Variants in HMCN1 observed in about 807,000 individuals in gnomAD.
The protein encoded by HMCN1 is hemicentin 1, also known as hemicentin-1.
Under a neutral mutation model 625.9 loss-of-function variants are expected in HMCN1, and 321 were observed. The ratio of observed to expected loss-of-function variants is 0.51; its 90% CI spans 0.47 to 0.56. The LOEUF (loss-of-function observed/expected upper bound fraction) is 0.56, where lower values mean the gene tolerates loss of function less well. HMCN1 is among the 20% of genes least tolerant of loss of function. The probability of loss-of-function intolerance (pLI) is 0.00; values close to 1 mark genes in which losing one functional copy is unlikely to be tolerated. For synonymous variants in HMCN1, 2,425 were observed against 2,417.6 expected (o/e 1.00, Z -0.09); for missense variants, 6,588 against 6,887.3 (o/e 0.96, Z 1.54).
chr1:185,827,625 A>G (rs1660606273), intron 1 of HMCN1, among the ~76,000 whole-genome samples: 1 of 152,186 alleles, frequency 6.6e-6, no homozygotes, highest in Admixed American at 6.6e-5. Context: ...TAGCTATAGA[A>G]GACAGGCAAA....
intron 36 of HMCN1, among the ~76,000 whole-genome samples, chr1:186,028,848 C>A (rs1655231920): frequency 1.3e-5 from 2 of 151,942 alleles, no homozygotes; most frequent in African/African-American, 4.8e-5. Flanking sequence ...CCTCAGCCTC[C>A]TGAGTAGCTG....
At chr1:185,745,636 T>C (rs1422867411) in intron 1 of HMCN1, among the ~76,000 whole-genome samples, 1 of 152,194 alleles carries the variant, frequency 6.6e-6, no homozygotes, top group Admixed American at 6.5e-5. Flanking sequence ...CAGTGTCAAG[T>C]TCAAGTTTCT....
intron 2 of HMCN1, among the ~76,000 whole-genome samples, chr1:185,855,962 C>T (rs184177558): frequency 1.3e-5 from 2 of 152,276 alleles, no homozygotes; most frequent in East Asian, 3.9e-4. Flanking sequence ...TTGGGCTCTG[C>T]AATATTCTGA....
At chr1:185,940,589 C>T (rs796423405) in intron 11 of HMCN1, among the ~76,000 whole-genome samples, 39 of 152,286 alleles carry the variant, frequency 2.6e-4, no homozygotes, top group African/African-American at 8.7e-4. Flanking sequence ...TGGCCTTTGC[C>T]TTCAAAGAAT....
At chr1:185,846,203 G>A in intron 2 of HMCN1, 107 bp downstream of exon 2, 1 of 842,716 alleles carries the variant, frequency 1.2e-6, no homozygotes, top group East Asian at 2.6e-5. Context: ...GGCTTTTTAA[G>A]GGACCCAATA....
chr1:186,097,161 GA>G (rs1192645931), intron 68 of HMCN1, among the ~76,000 whole-genome samples: 2 of 152,090 alleles, frequency 1.3e-5, no homozygotes, highest in African/African-American at 4.8e-5. Context: ...AAAACTCTCA[GA>G]AATGATAAAC....
chr1:185,978,018 CTT>C, intron 16 of HMCN1, 37 bp downstream of exon 16: 5 of 1,401,936 alleles, frequency 3.6e-6, no homozygotes, highest in South Asian at 1.2e-5. Context: ...CGAATATGTA[CTT>C]TTATGTTATA....
rs1662283521 is a variant in HMCN1, at chr1:185,853,462, A to G, written c.339+7366A>G. Among the ~76,000 whole-genome samples, 2 of 152,138 alleles carry G rather than the reference A, an allele frequency of 1.3e-5. 1 individual carries two copies. Among genetic ancestry groups the G allele is most frequent in the South Asian group, 4.1e-4 (2 of 4,834 alleles). The stretch of plus-strand genomic sequence containing the variant: ...ATTCATAGGTAGTGTTTTGATTTTT[A>G]TGTTTAGTGTTGAAATTCCTTTGGG... On this transcript the variant is annotated intron_variant, in intron 2 of 106. Coordinates refer to ENST00000271588, the MANE Select transcript of HMCN1 (RefSeq NM_031935.3).
chr1:185,754,489 C>T (rs755729014), intron 1 of HMCN1, among the ~76,000 whole-genome samples: 4 of 151,806 alleles, frequency 2.6e-5, no homozygotes, highest in Non-Finnish European at 4.4e-5. Flanking sequence ...CTTCTTTGGC[C>T]AACCAGTTTG....
chr1:186,075,653 T>G (rs1658768708), intron 53 of HMCN1, among the ~76,000 whole-genome samples: 2 of 152,148 alleles, frequency 1.3e-5, no homozygotes, highest in Non-Finnish European at 2.9e-5. Context: ...TTGCTAACTA[T>G]TCGACATGAT....
chr1:186,087,318 C>A lies in HMCN1; in HGVS notation c.9148C>A (p.Leu3050Met), dbSNP rs1571332793. The A allele has an allele frequency of 1.9e-6, 3 of 1,612,404 alleles. No individual in the cohort carries two copies. The highest frequency in any genetic ancestry group is 2.5e-6 in the Non-Finnish European group (3 of 1,178,708). The change falls in exon 59 of 107, where the codon CTG (leucine) becomes ATG (methionine). Residue 3050 changes from leucine (L) to methionine (M), a missense_variant. Leu to Met is a conservative substitution (Grantham distance 15). This residue lies in a region of HMCN1 where 4,628 missense variants were observed against 4,853.1 expected (regional missense o/e 0.95). Coordinates refer to ENST00000271588, the MANE Select transcript of HMCN1 (RefSeq NM_031935.3). ...TGGCGAAAGCAAGAAAAAGTTTTCC[C>A]TGACTGTTTATGGTTCGTTTTTACT... ...QAGESKKKFSLTVYVPPSIKD... is the reference protein window; with the variant it reads ...QAGESKKKFSMTVYVPPSIKD...
At chr1:186,044,864 G>A (rs1306957997) in intron 40 of HMCN1, among the ~76,000 whole-genome samples, 1 of 152,082 alleles carries the variant, frequency 6.6e-6, no homozygotes, top group African/African-American at 2.4e-5. Flanking sequence ...TGGCAGGACT[G>A]TACCTAAACC....
chr1:186,014,067 G>A lies in HMCN1; in HGVS notation c.4631-1092G>A, dbSNP rs190016133. On this transcript the variant is annotated intron_variant, in intron 30 of 106. Transcript: ENST00000271588. The stretch of plus-strand genomic sequence containing the variant: ...AATATGGCAAACACTACCTTAGCCG[G>A]GTTACCAAAGGTACATGCTGTCAGC... Among the ~76,000 whole-genome samples, 134 of 152,124 alleles carry A rather than the reference G, an allele frequency of 8.8e-4. 1 individual carries two copies. Among genetic ancestry groups the A allele is most frequent in the East Asian group, 1.9e-3 (10 of 5,164 alleles).
chr1:185,910,589 G>A (rs971660381), intron 5 of HMCN1, among the ~76,000 whole-genome samples: 1 of 72,034 alleles, frequency 1.4e-5, no homozygotes, highest in East Asian at 3.9e-4. Flanking sequence ...TTTTTTTTTT[G>A]ACATGGAGTC....
chr1:186,088,458 A>G (rs574723788), intron 62 of HMCN1, 148 bp from the exon 63 acceptor site: 2 of 1,331,868 alleles, frequency 1.5e-6, no homozygotes, highest in East Asian at 2.5e-5. Flanking sequence ...GTCATTTTAT[A>G]AAGAATTTTT....
At chr1:186,064,828 A>AG (rs1658002888) in intron 48 of HMCN1, among the ~76,000 whole-genome samples, 1 of 151,074 alleles carries the variant, frequency 6.6e-6, no homozygotes, top group Non-Finnish European at 1.5e-5. Context: ...AAAAAAAAAA[A>AG]GTATATGAAT....
intron 103 of HMCN1, 100 bp downstream of exon 103, chr1:186,174,742 T>G: frequency 1.9e-6 from 2 of 1,040,058 alleles, no homozygotes; most frequent in Non-Finnish European, 3.0e-6. Flanking sequence ...AAATGGTCTC[T>G]TGTTACAATA....
At chr1:185,990,801 C>T (rs1164053488) in intron 22 of HMCN1, among the ~76,000 whole-genome samples, 1 of 152,194 alleles carries the variant, frequency 6.6e-6, no homozygotes, top group Non-Finnish European at 1.5e-5. Flanking sequence ...ACTCTAATGT[C>T]TAGGATTTGG....
chr1:185,848,654 C>G (rs1295769586), intron 2 of HMCN1, among the ~76,000 whole-genome samples: 3 of 152,002 alleles, frequency 2.0e-5, no homozygotes, highest in Non-Finnish European at 4.4e-5. Flanking sequence ...GTTCTTTTTC[C>G]AGTACCCTAA....
Sources: allele counts gnomAD v4.1 joint callset (sites outside exome capture counted in the v4.1 genomes callset), GRCh38; gene constraint gnomAD v4.1.1; regional missense constraint gnomAD v4.1.1; transcripts MANE v1.5; gene names NCBI Gene and HGNC (gene_info 2026-07-23, HGNC 2026-07-21).